ME3: variants seen among roughly 807,000 people sequenced by gnomAD.
ME3 encodes malic enzyme 3.
A neutral mutation model predicts 68.9 loss-of-function variants in ME3; 48 were observed. The observed-to-expected ratio is 0.70, with a 90% CI of 0.55 to 0.89. The LOEUF is 0.89. Ranked by LOEUF, ME3 falls within the 40% of genes least tolerant of loss-of-function variation. The pLI, the probability that ME3 is intolerant of heterozygous loss-of-function variation, is 0.00. For synonymous variants in ME3, 320 were observed against 318.8 expected (o/e 1.00, Z -0.04); for missense variants, 675 against 797.4 (o/e 0.85, Z 1.85).
intron 2 of ME3, 38 bp from the exon 3 acceptor site, chr11:86,559,861 C>G: frequency 6.2e-7 from 1 of 1,601,010 alleles, no homozygotes. Context: ...CACATAAGTG[C>G]ATACTCAGGA....
chr11:86,641,567 A>G (rs917697131), intron 2 of ME3, among the ~76,000 whole-genome samples: 21 of 152,232 alleles, frequency 1.4e-4, no homozygotes, highest in African/African-American at 4.8e-4. Flanking sequence ...GAGGAAGTGA[A>G]TTAAAGAAAA....
intron 6 of ME3, among the ~76,000 whole-genome samples, chr11:86,490,254 C>T (rs888295623): frequency 6.6e-6 from 1 of 152,152 alleles, no homozygotes; most frequent in Non-Finnish European, 1.5e-5. Context: ...GTCAAAGATA[C>T]CACAGGTTTA....
At position 86,575,511 on chromosome 11, in the gene ME3, G is replaced by A. The variant is rs571421116; in HGVS notation, c.184-15688C>T. On this transcript the variant is annotated intron_variant, in intron 2 of 14. Transcript: ENST00000543262. ...ATATTAAAGTTATTAACAATGATAG[G>A]AATAACTAATGTAGCATCATTGGCC... Among the ~76,000 whole-genome samples the A allele has an allele frequency of 8.1e-5, 12 of 147,376 alleles. No homozygotes were observed. The South Asian group carries it at 2.6e-3, about 31-fold the overall frequency.
intron 4 of ME3, among the ~76,000 whole-genome samples, chr11:86,522,055 GC>G (rs1438628540): frequency 6.6e-6 from 1 of 152,172 alleles, no homozygotes; most frequent in African/African-American, 2.4e-5. Flanking sequence ...TTTGAGACAA[GC>G]CTGGCCAACA....
intron 4 of ME3, among the ~76,000 whole-genome samples, chr11:86,528,890 C>T (rs1954982650): frequency 6.6e-6 from 1 of 151,858 alleles, no homozygotes. Flanking sequence ...ACTAAATGCC[C>T]ACAAGAGAAA....
At chr11:86,660,268 C>T (rs529203294) in intron 2 of ME3, among the ~76,000 whole-genome samples, 32 of 152,310 alleles carry the variant, frequency 2.1e-4, no homozygotes, top group Middle Eastern at 6.8e-3. Flanking sequence ...CCTCTCCTTC[C>T]GGACTGGATG....
At chr11:86,657,804 C>T (rs1217976583) in intron 2 of ME3, among the ~76,000 whole-genome samples, 2 of 152,116 alleles carry the variant, frequency 1.3e-5, no homozygotes, top group Non-Finnish European at 1.5e-5. Context: ...ATTGTACACT[C>T]AGCAATAAGA....
chr11:86,604,565 A>T (rs557063378), intron 2 of ME3, among the ~76,000 whole-genome samples: 1 of 152,370 alleles, frequency 6.6e-6, no homozygotes, highest in African/African-American at 2.4e-5. Flanking sequence ...TTTATAAATG[A>T]AATACAGTAA....
chr11:86,462,708 CT>C, intron 8 of ME3: 1 of 693,892 alleles, frequency 1.4e-6, no homozygotes, highest in Non-Finnish European at 2.2e-6. Context: ...AGGCATGGTT[CT>C]TGCCTCCAGA....
chr11:86,463,154 G>C (rs1950310538), intron 8 of ME3, among the ~76,000 whole-genome samples: 1 of 152,170 alleles, frequency 6.6e-6, no homozygotes, highest in Non-Finnish European at 1.5e-5. Context: ...TGCAGGGCCT[G>C]GCCGTGTTCC....
chr11:86,654,758 A>G (rs1462888327), intron 2 of ME3, among the ~76,000 whole-genome samples: 2 of 152,236 alleles, frequency 1.3e-5, no homozygotes, highest in Non-Finnish European at 2.9e-5. Context: ...GCAATCAGGC[A>G]GGAGAAGGAA....
At chr11:86,624,690 A>G (rs1261880971) in intron 2 of ME3, among the ~76,000 whole-genome samples, 1 of 152,214 alleles carries the variant, frequency 6.6e-6, no homozygotes, top group Non-Finnish European at 1.5e-5. Flanking sequence ...GGTAAACTGA[A>G]TGAATAAATG....
chr11:86,469,349 G>A (rs1044478003), intron 7 of ME3, among the ~76,000 whole-genome samples: 2 of 152,188 alleles, frequency 1.3e-5, no homozygotes, highest in African/African-American at 4.8e-5. Context: ...CAACATGTGA[G>A]GAAAATATGG....
At chr11:86,444,893 C>T (rs1949196867) in intron 13 of ME3, among the ~76,000 whole-genome samples, 2 of 152,236 alleles carry the variant, frequency 1.3e-5, no homozygotes, top group Non-Finnish European at 1.5e-5. Context: ...AGGGGAGGGA[C>T]CTTATCTTGC....
chr11:86,494,144 T>C (rs1185805269), intron 6 of ME3, among the ~76,000 whole-genome samples: 1 of 152,212 alleles, frequency 6.6e-6, no homozygotes, highest in African/African-American at 2.4e-5. Context: ...GGTCACTTTA[T>C]AACTTTGAAA....
intron 2 of ME3, among the ~76,000 whole-genome samples, chr11:86,606,755 T>G (rs543258668): frequency 1.3e-5 from 2 of 152,276 alleles, no homozygotes; most frequent in Admixed American, 1.3e-4. Flanking sequence ...TGTGGTGTCT[T>G]TGGTTGGTTG....
chr11:86,588,314 TACA>T (rs1958856104), intron 2 of ME3, among the ~76,000 whole-genome samples: 1 of 152,196 alleles, frequency 6.6e-6, no homozygotes, highest in South Asian at 2.1e-4. Context: ...GTCAAAGTAA[TACA>T]ACAAGTAATA....
At chr11:86,481,908 A>G (rs1396107282) in intron 7 of ME3, among the ~76,000 whole-genome samples, 4 of 152,166 alleles carry the variant, frequency 2.6e-5, no homozygotes, top group Non-Finnish European at 5.9e-5. Flanking sequence ...CTAATCAACC[A>G]TGATGCTCAT....
rs147485801 is a variant in ME3, at chr11:86,450,093, T to G, written c.1018-91A>C. ...TCTTGCCATAAGGACCCCCTTTTCT[T>G]TCCCCCACCTCAATGACTCCCAGGA... On this transcript the variant is annotated intron_variant, in intron 9 of 14. Coordinates refer to ENST00000543262, the Ensembl canonical transcript of ME3. 1,209 of 1,139,634 alleles carry G rather than the reference T, an allele frequency of 1.1e-3. 2 individuals carry two copies. The highest frequency in any genetic ancestry group is 0.011 in the African/African-American group (686 of 64,880). 70.6% of individuals were successfully genotyped at this position (1,139,634 alleles called of 1,614,324 possible).
Sources: gnomAD v4.1 joint callset for allele counts (sites outside exome capture counted in the v4.1 genomes callset) on GRCh38, gnomAD v4.1.1 for gene constraint, MANE v1.5 for transcripts, NCBI Gene and HGNC (gene_info 2026-07-23, HGNC 2026-07-21) for gene names.